GFRA1: variants seen among roughly 807,000 people sequenced by gnomAD.
GFRA1 encodes GDNF family receptor alpha-1.
In GFRA1, 16 loss-of-function variants were observed where a neutral mutation model predicts 51.6. That is an observed-to-expected ratio of 0.31 (90% CI 0.21 to 0.47). The LOEUF (loss-of-function observed/expected upper bound fraction) is 0.47. GFRA1 is among the 20% of genes least tolerant of loss of function. The pLI is 1.00. For missense variants in GFRA1, 530 were observed against 594.3 expected, an observed-to-expected ratio of 0.89 and a Z score of 1.13; for synonymous variants, 270 against 241.3, an observed-to-expected ratio of 1.12 and a Z score of -1.10.
chr10:116,267,622 G>A (rs1387818600), intron 4 of GFRA1, among the ~76,000 whole-genome samples: 2 of 152,140 alleles, frequency 1.3e-5, no homozygotes, highest in African/African-American at 4.8e-5. Flanking sequence ...GAGTCCACAG[G>A]GCAGACAGTA....
At chr10:116,140,878 G>C (rs1159235629) in intron 5 of GFRA1, among the ~76,000 whole-genome samples, 1 of 152,202 alleles carries the variant, frequency 6.6e-6, no homozygotes, top group Non-Finnish European at 1.5e-5. Context: ...ACACTGCAGA[G>C]GGGGAAAAGA....
At chr10:116,082,963 A>AG (rs1331510833) in intron 9 of GFRA1, among the ~76,000 whole-genome samples, 7 of 152,194 alleles carry the variant, frequency 4.6e-5, no homozygotes, top group African/African-American at 1.7e-4. Flanking sequence ...TCCAAGGGTC[A>AG]GCCTGTTGTT....
chr10:116,241,735 G>A (rs1967396418), intron 4 of GFRA1, among the ~76,000 whole-genome samples: 1 of 152,184 alleles, frequency 6.6e-6, no homozygotes, highest in African/African-American at 2.4e-5. Context: ...TTATGTACAG[G>A]ATTGGGCTGC....
chr10:116,206,548 A>G (rs1227666986), intron 5 of GFRA1, among the ~76,000 whole-genome samples: 3 of 150,720 alleles, frequency 2.0e-5, no homozygotes, highest in Non-Finnish European at 4.4e-5. Context: ...GGATTCCAGT[A>G]TTTATCCATA....
intron 4 of GFRA1, among the ~76,000 whole-genome samples, chr10:116,220,786 G>A (rs1309188849): frequency 6.6e-6 from 1 of 152,180 alleles, no homozygotes; most frequent in East Asian, 1.9e-4. Flanking sequence ...AATCATTTAA[G>A]CACTTTGGGT....
chr10:116,270,714 G>T, intron 3 of GFRA1, 108 bp downstream of exon 3: 1 of 901,696 alleles, frequency 1.1e-6, no homozygotes, highest in Non-Finnish European at 1.8e-6. Context: ...TCCTCACTCT[G>T]CAGCTGGGGA....
At chr10:116,131,961 CT>C (rs1241143744) in intron 5 of GFRA1, among the ~76,000 whole-genome samples, 7 of 148,924 alleles carry the variant, frequency 4.7e-5, no homozygotes, top group African/African-American at 1.5e-4. Flanking sequence ...AATCCCAGCA[CT>C]TTGGGAGGCT....
chr10:116,271,634 G>GCT (rs1312410355), intron 2 of GFRA1, among the ~76,000 whole-genome samples: 1 of 152,152 alleles, frequency 6.6e-6, no homozygotes, highest in African/African-American at 2.4e-5. Context: ...TTCCAAGTTT[G>GCT]CTCTCCCGGC....
chr10:116,069,402 C>T (rs193048971), intron 9 of GFRA1, among the ~76,000 whole-genome samples: 132 of 152,150 alleles, frequency 8.7e-4, no homozygotes, highest in Middle Eastern at 3.4e-3. Context: ...ATCTTGAGAA[C>T]GGGAAGATGA....
intron 4 of GFRA1, among the ~76,000 whole-genome samples, chr10:116,246,083 T>G (rs1967843104): frequency 6.6e-6 from 1 of 152,144 alleles, no homozygotes; most frequent in Non-Finnish European, 1.5e-5. Context: ...TGAACTTTGG[T>G]TAATGATAAT....
At chr10:116,208,537 T>C (rs572325483) in intron 5 of GFRA1, among the ~76,000 whole-genome samples, 8 of 152,240 alleles carry the variant, frequency 5.3e-5, no homozygotes, top group African/African-American at 1.7e-4. Context: ...TGGCTCCAGA[T>C]AAGAACAAGG....
chr10:116,259,470 A>C (rs764079655), intron 4 of GFRA1, among the ~76,000 whole-genome samples: 6 of 152,216 alleles, frequency 3.9e-5, no homozygotes, highest in Non-Finnish European at 8.8e-5. Flanking sequence ...TCTTTGGTTA[A>C]TATTTCTGCA....
At chr10:116,113,571 C>T (rs930046296) in intron 6 of GFRA1, among the ~76,000 whole-genome samples, 1 of 152,176 alleles carries the variant, frequency 6.6e-6, no homozygotes, top group Admixed American at 6.5e-5. Flanking sequence ...TCCACTCTCC[C>T]TGGGTGTCTC....
chr10:116,159,809 G>A (rs1959561404), intron 5 of GFRA1, among the ~76,000 whole-genome samples: 2 of 152,138 alleles, frequency 1.3e-5, no homozygotes, highest in Non-Finnish European at 2.9e-5. Flanking sequence ...CATCTCCCTT[G>A]TCTTCCCACC....
At chr10:116,237,490 A>G (rs2420253) in intron 4 of GFRA1, among the ~76,000 whole-genome samples, 61,612 of 150,976 alleles carry the variant, frequency 0.41, 12,901 homozygotes, top group East Asian at 0.52. Flanking sequence ...GCAATTTGCT[A>G]TATTTACTGC....
At chr10:116,133,031 C>T (rs1275025917) in intron 5 of GFRA1, among the ~76,000 whole-genome samples, 5 of 151,966 alleles carry the variant, frequency 3.3e-5, no homozygotes, top group Admixed American at 1.3e-4. Context: ...CCCCTCCCCT[C>T]CCCCTCTAAT....
chr10:116,216,765 C>T (rs1044851268), intron 4 of GFRA1, among the ~76,000 whole-genome samples: 1 of 152,150 alleles, frequency 6.6e-6, no homozygotes, highest in Non-Finnish European at 1.5e-5. Flanking sequence ...AAAGAAAATT[C>T]TCTTTCAAGT....
At chr10:116,170,995 G>A (rs1297861510) in intron 5 of GFRA1, among the ~76,000 whole-genome samples, 3 of 152,270 alleles carry the variant, frequency 2.0e-5, no homozygotes, top group South Asian at 4.1e-4. Context: ...AGTATTTGCA[G>A]GCTAATCTTT....
intron 4 of GFRA1, among the ~76,000 whole-genome samples, chr10:116,260,909 T>TA (rs1221683986): frequency 6.6e-6 from 1 of 152,088 alleles, no homozygotes; most frequent in Non-Finnish European, 1.5e-5. Flanking sequence ...AGATTATCTT[T>TA]AAAAAAAATC....
Sources: allele counts gnomAD v4.1 joint callset (sites outside exome capture counted in the v4.1 genomes callset), GRCh38; gene constraint gnomAD v4.1.1; transcripts MANE v1.5; gene names NCBI Gene and HGNC (gene_info 2026-07-23, HGNC 2026-07-21).